ATP2B1: variants seen among roughly 807,000 people sequenced by gnomAD.
ATP2B1 encodes plasma membrane calcium-transporting ATPase 1.
ATP2B1 carries 14 observed loss-of-function variants against 124.2 expected under a neutral mutation model. The observed-to-expected ratio is 0.11, with a 90% CI of 0.07 to 0.18. The LOEUF is 0.18. Among genes scored for constraint, ATP2B1 ranks in the 10% least tolerant of loss-of-function variants. The pLI, the probability that ATP2B1 is intolerant of heterozygous loss-of-function variation, is 1.00. For synonymous variants in ATP2B1, 449 were observed against 492.4 expected (o/e 0.91, Z 1.17); for missense variants, 763 against 1,466.1 (o/e 0.52, Z 7.83).
At chr12:89,594,990 A>C (rs952031077) in intron 20 of ATP2B1, 1 of 152,070 alleles carries the variant, frequency 6.6e-6, no homozygotes, top group Non-Finnish European at 1.5e-5. Context: ...AAAATTCTAG[A>C]TTGTTTTCCA....
At chr12:89,684,382 T>C (rs942086635) in intron 1 of ATP2B1, among the ~76,000 whole-genome samples, 1 of 152,106 alleles carries the variant, frequency 6.6e-6, no homozygotes, top group African/African-American at 2.4e-5. Context: ...ATTCTCGCTA[T>C]GGAAGAATAA....
chr12:89,703,611 A>T (rs1892113590), intron 1 of ATP2B1, among the ~76,000 whole-genome samples: 1 of 152,182 alleles, frequency 6.6e-6, no homozygotes, highest in Non-Finnish European at 1.5e-5. Flanking sequence ...CTGGTGTCTA[A>T]GTCATTTGAA....
chr12:89,705,013 A>G (rs1261801658), intron 1 of ATP2B1, among the ~76,000 whole-genome samples: 2 of 152,162 alleles, frequency 1.3e-5, no homozygotes, highest in Non-Finnish European at 2.9e-5. Context: ...ATATAAATGA[A>G]ATGTGATGGA....
intron 8 of ATP2B1, among the ~76,000 whole-genome samples, chr12:89,624,980 T>C (rs369605803): frequency 1.4e-4 from 21 of 152,246 alleles, no homozygotes; most frequent in South Asian, 4.1e-4. Context: ...TATTAAAAAA[T>C]AGGGCAGCTG....
chr12:89,614,573 T>G (rs1282236211), intron 12 of ATP2B1, among the ~76,000 whole-genome samples: 1 of 152,206 alleles, frequency 6.6e-6, no homozygotes, highest in African/African-American at 2.4e-5. Context: ...CAGAGATGGT[T>G]AGCGACCATC....
intron 9 of ATP2B1, among the ~76,000 whole-genome samples, chr12:89,623,808 ATTTTTAACTTTT>A (rs1880388799): frequency 6.6e-6 from 1 of 152,206 alleles, no homozygotes; most frequent in African/African-American, 2.4e-5. Context: ...GGAAATCATA[ATTTTTAACTTTT>A]TTTTTAATTT....
At chr12:89,610,906 C>T (rs1230317347) in intron 13 of ATP2B1, among the ~76,000 whole-genome samples, 1 of 152,164 alleles carries the variant, frequency 6.6e-6, no homozygotes, top group African/African-American at 2.4e-5. Flanking sequence ...TCCAACTCAT[C>T]TCCCATTACT....
At chr12:89,626,670 T>A (rs1880919975) in intron 7 of ATP2B1, 55 bp from the exon 8 acceptor site, 3 of 1,504,468 alleles carry the variant, frequency 2.0e-6, no homozygotes, top group African/African-American at 2.8e-5. Flanking sequence ...ATATCACTAT[T>A]AACATTTTAA....
intron 1 of ATP2B1, among the ~76,000 whole-genome samples, chr12:89,664,832 G>A (rs1887108997): frequency 6.6e-6 from 1 of 151,778 alleles, no homozygotes; most frequent in African/African-American, 2.4e-5. Context: ...AATTACTTAT[G>A]GTTCTTTATT....
chr12:89,699,826 G>A (rs1272465361), intron 1 of ATP2B1, among the ~76,000 whole-genome samples: 2 of 152,020 alleles, frequency 1.3e-5, no homozygotes, highest in Admixed American at 6.6e-5. Flanking sequence ...AAACAGTAGT[G>A]CTTAAGCTCA....
chr12:89,609,483 A>T (rs1313352988), intron 15 of ATP2B1, among the ~76,000 whole-genome samples: 1 of 152,118 alleles, frequency 6.6e-6, no homozygotes, highest in Non-Finnish European at 1.5e-5. Context: ...AGTAGGTAGG[A>T]TTTTTTTCAA....
At chr12:89,696,394 T>C (rs1214118958) in intron 1 of ATP2B1, among the ~76,000 whole-genome samples, 4 of 152,148 alleles carry the variant, frequency 2.6e-5, no homozygotes, top group African/African-American at 9.7e-5. Flanking sequence ...CACTGGAAGA[T>C]TATTTAACAG....
At chr12:89,598,283 C>G (rs772014131) in intron 20 of ATP2B1, among the ~76,000 whole-genome samples, 4 of 152,096 alleles carry the variant, frequency 2.6e-5, no homozygotes, top group Admixed American at 2.6e-4. Flanking sequence ...GGCATATACT[C>G]AAAAATTTAT....
Position 89,610,524 on chromosome 12 carries a change from A to C in ATP2B1, c.2248-16T>G. 6.2e-7 allele frequency: 1 copy of C among 1,602,362 alleles called. No individual in the cohort carries two copies. The highest frequency in any genetic ancestry group is 8.5e-7 in the Non-Finnish European group (1 of 1,170,158). ...CTTGCTCAATCTATAAGTGTTTATC[A>C]AAGTTAAAATATGCCCAAACATAGT... On this transcript the variant is annotated splice_polypyrimidine_tract_variant and intron_variant, in intron 13 of 20. Coordinates refer to ENST00000428670, the MANE Select transcript of ATP2B1 (RefSeq NM_001366521.1).
Position 89,653,519 on chromosome 12 carries a change from G to C in ATP2B1, c.208+2160C>G, listed in dbSNP as rs113662316. Among the ~76,000 whole-genome samples the C allele has an allele frequency of 3.1e-3, 466 of 150,922 alleles. 3 individuals carry two copies. The highest frequency in any genetic ancestry group is 3.9e-3 in the Non-Finnish European group (263 of 67,712). On this transcript the variant is annotated intron_variant, in intron 2 of 20. Coordinates refer to ENST00000428670, the MANE Select transcript of ATP2B1 (RefSeq NM_001366521.1). ...TCACCTTGTTAGCCAGGATGGTCTCGATCTCCTGACCTCATGATCCACCCG... is the reference window on the plus strand; with the variant it reads ...TCACCTTGTTAGCCAGGATGGTCTCCATCTCCTGACCTCATGATCCACCCG...
intron 1 of ATP2B1, among the ~76,000 whole-genome samples, chr12:89,659,734 A>C (rs1886447627): frequency 6.6e-6 from 1 of 152,056 alleles, no homozygotes; most frequent in Non-Finnish European, 1.5e-5. Context: ...CATTCTGGCT[A>C]ACACGGTGAA....
chr12:89,598,792 G>A lies in ATP2B1; in HGVS notation c.3351+325C>T, dbSNP rs776656075. 2.5e-6 allele frequency: 4 copies of A among 1,594,312 alleles called. No individual in the cohort carries two copies. In the East Asian group the frequency reaches 9.0e-5, roughly 36 times the overall value. ...CAGCTTGCTCAGCAAGAGAGAGAGAGAACAAGAGAAAGGACCATTCCATCT... is the reference window on the plus strand; with the variant it reads ...CAGCTTGCTCAGCAAGAGAGAGAGAAAACAAGAGAAAGGACCATTCCATCT... On this transcript the variant is annotated intron_variant, in intron 20 of 20. Transcript: ENST00000428670.
At chr12:89,634,653 GT>G in intron 5 of ATP2B1, 124 bp downstream of exon 5, 1 of 1,076,526 alleles carries the variant, frequency 9.3e-7, no homozygotes, top group Non-Finnish European at 1.3e-6. Flanking sequence ...GATTACAACA[GT>G]AGAAGGTAGC....
At chr12:89,692,266 A>G (rs761183255) in intron 1 of ATP2B1, among the ~76,000 whole-genome samples, 1 of 152,180 alleles carries the variant, frequency 6.6e-6, no homozygotes, top group Non-Finnish European at 1.5e-5. Flanking sequence ...CTAAGACTCA[A>G]ATTTTTCTAT....
Sources: gnomAD v4.1 joint callset for allele counts (sites outside exome capture counted in the v4.1 genomes callset) on GRCh38, gnomAD v4.1.1 for gene constraint, MANE v1.5 for transcripts, NCBI Gene and HGNC (gene_info 2026-07-23, HGNC 2026-07-21) for gene names.